Variants in RHBDD1 observed in about 807,000 individuals in gnomAD.
RHBDD1 encodes the protein rhomboid domain containing 1.
RHBDD1 carries 38 observed loss-of-function variants against 36.3 expected under a neutral mutation model. The observed-to-expected ratio is 1.05, with a 90% CI of 0.81 to 1.37. The LOEUF (loss-of-function observed/expected upper bound fraction) is 1.37, where lower values mean the gene tolerates loss of function less well. RHBDD1 is among the 40% of genes most tolerant of loss of function. RHBDD1 has a pLI of 0.00. For synonymous variants in RHBDD1, 151 were observed against 136.5 expected (o/e 1.11, Z -0.74); for missense variants, 393 against 377.6 (o/e 1.04, Z -0.34).
intron 5 of RHBDD1, chr2:226,895,583 G>A (rs746885532): frequency 3.7e-5 from 27 of 720,446 alleles, no homozygotes; most frequent in Admixed American, 1.9e-4. Flanking sequence ...AGGGAGTCGG[G>A]GGAGATTCTT....
At chr2:226,910,680 A>G (rs1253912679) in intron 7 of RHBDD1, among the ~76,000 whole-genome samples, 1 of 152,058 alleles carries the variant, frequency 6.6e-6, no homozygotes, top group Non-Finnish European at 1.5e-5. Flanking sequence ...AAAAAAAAAA[A>G]TTAAACTAGT....
At chr2:226,959,714 C>A (rs559941601) in intron 8 of RHBDD1, among the ~76,000 whole-genome samples, 2 of 152,292 alleles carry the variant, frequency 1.3e-5, no homozygotes, top group East Asian at 3.9e-4. Flanking sequence ...TATGAACATT[C>A]ATTTACAAGT....
chr2:226,851,028 G>T (rs1204672291), intron 3 of RHBDD1, among the ~76,000 whole-genome samples: 1 of 152,080 alleles, frequency 6.6e-6, no homozygotes, highest in Non-Finnish European at 1.5e-5. Flanking sequence ...TTGAAACAAG[G>T]AACAAGAAGT....
intron 5 of RHBDD1, among the ~76,000 whole-genome samples, chr2:226,898,110 C>T (rs1947277899): frequency 6.6e-6 from 1 of 152,146 alleles, no homozygotes; most frequent in Non-Finnish European, 1.5e-5. Context: ...CCCTCATGAC[C>T]CAGTCACCTC....
chr2:226,925,068 C>T (rs777254726), intron 8 of RHBDD1, among the ~76,000 whole-genome samples: 10 of 152,140 alleles, frequency 6.6e-5, no homozygotes, highest in Non-Finnish European at 1.0e-4. Context: ...TCTATTTGGC[C>T]GTTTTGCTCC....
chr2:226,848,811 A>T (rs1574781799), intron 3 of RHBDD1, among the ~76,000 whole-genome samples: 1 of 152,328 alleles, frequency 6.6e-6, no homozygotes, highest in East Asian at 1.9e-4. Context: ...GATTATTTTG[A>T]TTAAAATCCC....
the RHBDD1 span, among the ~76,000 whole-genome samples, chr2:226,815,937 CAG>C: frequency 2.0e-5 from 3 of 152,138 alleles, no homozygotes; most frequent in South Asian, 2.1e-4. Flanking sequence ...TAGAAAATAA[CAG>C]AATCTATTTA....
intron 3 of RHBDD1, among the ~76,000 whole-genome samples, chr2:226,849,769 A>AT (rs1942619763): frequency 6.6e-6 from 1 of 152,194 alleles, no homozygotes; most frequent in African/African-American, 2.4e-5. Context: ...ATCTGTATCT[A>AT]TATCTATATA....
At chr2:226,886,992 G>GA (rs35368722) in intron 5 of RHBDD1, among the ~76,000 whole-genome samples, 105 of 151,978 alleles carry the variant, frequency 6.9e-4, no homozygotes, top group Admixed American at 1.4e-3. Flanking sequence ...CTATATCTTT[G>GA]AAAAAACAAG....
chr2:226,881,017 G>A (rs991501488), intron 5 of RHBDD1, among the ~76,000 whole-genome samples: 4 of 152,136 alleles, frequency 2.6e-5, no homozygotes, highest in African/African-American at 4.8e-5. Context: ...AGTTTTGATC[G>A]GCTCACCATT....
intron 8 of RHBDD1, among the ~76,000 whole-genome samples, chr2:226,958,777 A>G (rs1951970465): frequency 6.7e-6 from 1 of 150,270 alleles, no homozygotes; most frequent in Admixed American, 6.7e-5. Context: ...TAAAGACGCC[A>G]GGTTCTTGGG....
At chr2:226,845,867 C>T (rs1287693098) in intron 3 of RHBDD1, among the ~76,000 whole-genome samples, 5 of 152,164 alleles carry the variant, frequency 3.3e-5, no homozygotes, top group African/African-American at 1.2e-4. Flanking sequence ...TAATTATAAC[C>T]ATAATGATGT....
At chr2:226,917,636 A>C (rs1160751490) in intron 8 of RHBDD1, among the ~76,000 whole-genome samples, 2 of 152,110 alleles carry the variant, frequency 1.3e-5, no homozygotes, top group Non-Finnish European at 2.9e-5. Flanking sequence ...TTTGTGCTGA[A>C]TTACTTTTGC....
chr2:226,850,707 G>A (rs1384532810), intron 3 of RHBDD1, among the ~76,000 whole-genome samples: 4 of 152,102 alleles, frequency 2.6e-5, no homozygotes, highest in Non-Finnish European at 5.9e-5. Context: ...TTTTTAAGAG[G>A]CTCTGTGCAC....
chr2:226,975,151 A>G (rs532041726), intron 8 of RHBDD1, among the ~76,000 whole-genome samples: 6 of 152,306 alleles, frequency 3.9e-5, no homozygotes, highest in Admixed American at 2.6e-4. Flanking sequence ...GGGCCTCCCA[A>G]GATTTAATAT....
chr2:226,879,616 T>C (rs1024553777), intron 5 of RHBDD1, among the ~76,000 whole-genome samples: 1 of 152,226 alleles, frequency 6.6e-6, no homozygotes, highest in Admixed American at 6.5e-5. Context: ...AGGTATAAAA[T>C]TTAATACATT....
At chr2:226,948,601 TAAAAAA>T (rs60725545) in intron 8 of RHBDD1, among the ~76,000 whole-genome samples, 1 of 122,542 alleles carries the variant, frequency 8.2e-6, no homozygotes, top group Non-Finnish European at 1.8e-5. Context: ...AAAATAAAAA[TAAAAAA>T]AAATAAAATA....
chr2:226,824,336 C>T, the RHBDD1 span, among the ~76,000 whole-genome samples: 1 of 152,032 alleles, frequency 6.6e-6, no homozygotes, highest in Non-Finnish European at 1.5e-5. Flanking sequence ...TAGGATTGGA[C>T]ATCCACTTAA....
intron 5 of RHBDD1, chr2:226,867,782 GATCTC>G (rs1944463073): frequency 2.0e-6 from 1 of 499,228 alleles, no homozygotes; most frequent in Admixed American, 6.4e-5. Flanking sequence ...GCAGTGGCGT[GATCTC>G]AGCTCACTGC....
Sources: gnomAD v4.1 joint callset for allele counts (sites outside exome capture counted in the v4.1 genomes callset) on GRCh38, gnomAD v4.1.1 for gene constraint, MANE v1.5 for transcripts, NCBI Gene and HGNC (gene_info 2026-07-23, HGNC 2026-07-21) for gene names.